ZNF704: variants seen among roughly 807,000 people sequenced by gnomAD.
The protein encoded by ZNF704 is glucocorticoid induced gene 1.
Under a neutral mutation model 44.7 loss-of-function variants are expected in ZNF704, and 10 were observed. The observed-to-expected ratio is 0.22, with a 90% CI of 0.14 to 0.38. ZNF704 has a LOEUF of 0.38. Ranked by LOEUF, ZNF704 falls within the 10% of genes least tolerant of loss-of-function variation. The probability of loss-of-function intolerance (pLI) is 1.00; values close to 1 mark genes in which losing one functional copy is unlikely to be tolerated. For missense variants in ZNF704, 390 were observed against 545.5 expected, an observed-to-expected ratio of 0.71 and a Z score of 2.84; for synonymous variants, 211 against 207.6, an observed-to-expected ratio of 1.02 and a Z score of -0.14.
chr8:80,784,955 T>C (rs943898936), intron 2 of ZNF704, among the ~76,000 whole-genome samples: 6 of 141,082 alleles, frequency 4.3e-5, no homozygotes, highest in African/African-American at 9.2e-5. Flanking sequence ...GTTTCCCCTA[T>C]TATCTTACAT....
intron 1 of ZNF704, among the ~76,000 whole-genome samples, chr8:80,850,454 G>A (rs1586074249): frequency 6.6e-6 from 1 of 152,070 alleles, no homozygotes; most frequent in East Asian, 1.9e-4. Flanking sequence ...GCATGACACT[G>A]GCATGGAGTG....
chr8:80,706,407 T>A (rs1049622819), intron 2 of ZNF704, among the ~76,000 whole-genome samples: 3 of 152,260 alleles, frequency 2.0e-5, no homozygotes, highest in Non-Finnish European at 2.9e-5. Context: ...TTATTTCTGC[T>A]GCTTCTCTTA....
chr8:80,839,852 G>C (rs542341989), intron 1 of ZNF704, among the ~76,000 whole-genome samples: 1 of 152,034 alleles, frequency 6.6e-6, no homozygotes, highest in Admixed American at 6.6e-5. Context: ...GAGAGAGAGA[G>C]AGAGAGTAAA....
At chr8:80,719,321 A>G (rs1257795317) in intron 2 of ZNF704, among the ~76,000 whole-genome samples, 2 of 152,136 alleles carry the variant, frequency 1.3e-5, no homozygotes, top group Non-Finnish European at 2.9e-5. Context: ...GGTTTAAAAT[A>G]AACAGAGGAA....
At chr8:80,643,226 A>C in intron 7 of ZNF704, 97 bp from the exon 8 acceptor site, 1 of 844,762 alleles carries the variant, frequency 1.2e-6, no homozygotes. Flanking sequence ...TGACCATTAG[A>C]AGCAGAGATG....
chr8:80,698,375 G>A (rs1818757606), intron 2 of ZNF704, among the ~76,000 whole-genome samples: 1 of 152,200 alleles, frequency 6.6e-6, no homozygotes, highest in Admixed American at 6.5e-5. Context: ...GAGCTTTTGG[G>A]CAGTGGAAGA....
intron 8 of ZNF704, 85 bp downstream of exon 8, chr8:80,642,950 T>C (rs1271324370): frequency 3.4e-6 from 3 of 885,854 alleles, no homozygotes; most frequent in East Asian, 6.1e-5. Context: ...TTATAGAAGA[T>C]CATTTCTCAG....
chr8:80,735,575 G>A (rs562733056), intron 2 of ZNF704, among the ~76,000 whole-genome samples: 11 of 152,284 alleles, frequency 7.2e-5, no homozygotes, highest in African/African-American at 2.4e-4. Context: ...ATTGGACAGC[G>A]ATGAGCCTGC....
chr8:80,688,520 G>A (rs1186497930), intron 3 of ZNF704, among the ~76,000 whole-genome samples: 1 of 152,142 alleles, frequency 6.6e-6, no homozygotes, highest in Admixed American at 6.5e-5. Context: ...CTACATGACT[G>A]GTAAGTATCC....
At chr8:80,860,457 G>C (rs922611155) in intron 1 of ZNF704, among the ~76,000 whole-genome samples, 10 of 152,116 alleles carry the variant, frequency 6.6e-5, no homozygotes, top group African/African-American at 2.4e-4. Context: ...ACTGCTACAT[G>C]GTCTAGTTTG....
At chr8:80,653,258 C>G (rs567629037) in intron 7 of ZNF704, among the ~76,000 whole-genome samples, 5 of 152,084 alleles carry the variant, frequency 3.3e-5, no homozygotes, top group African/African-American at 1.2e-4. Flanking sequence ...AAAACTGGCA[C>G]AAGACAGGGA....
Position 80,639,493 on chromosome 8 carries a change from G to C in ZNF704, c.*1873C>G, listed in dbSNP as rs138367820. ...TATTGCTGGTGCTGTGACTAGTACT[G>C]ATTGGTAATCAAGATGCAAAATTAG... On this transcript the variant is annotated 3_prime_UTR_variant, in exon 9 of 9. Transcript: ENST00000327835. 4.6e-5 allele frequency: 7 copies of C among 152,308 alleles called. No homozygotes were observed. The highest frequency in any genetic ancestry group is 4.6e-4 in the Admixed American group (7 of 15,302). 9.4% of individuals were successfully genotyped at this position (152,308 alleles called of 1,614,324 possible).
At chr8:80,727,590 G>T (rs568579517) in intron 2 of ZNF704, among the ~76,000 whole-genome samples, 2 of 152,080 alleles carry the variant, frequency 1.3e-5, no homozygotes, top group African/African-American at 4.8e-5. Context: ...AGGCAGGCAG[G>T]GGGTGGATGG....
intron 4 of ZNF704, among the ~76,000 whole-genome samples, chr8:80,672,980 A>C (rs1485667977): frequency 1.3e-5 from 2 of 152,328 alleles, no homozygotes; most frequent in East Asian, 3.9e-4. Flanking sequence ...TTAACGTAGT[A>C]AATAACAATA....
At chr8:80,684,372 A>T (rs1464333912) in intron 4 of ZNF704, among the ~76,000 whole-genome samples, 1 of 152,194 alleles carries the variant, frequency 6.6e-6, no homozygotes, top group East Asian at 1.9e-4. Flanking sequence ...TGTACAGTGT[A>T]TTCTATTCTG....
intron 4 of ZNF704, among the ~76,000 whole-genome samples, chr8:80,677,595 T>C (rs1010376837): frequency 2.0e-5 from 3 of 152,192 alleles, no homozygotes; most frequent in African/African-American, 4.8e-5. Context: ...AAGAAATCTG[T>C]TACCCAAAGA....
At chr8:80,651,552 G>A (rs1282598849) in intron 7 of ZNF704, among the ~76,000 whole-genome samples, 1 of 152,124 alleles carries the variant, frequency 6.6e-6, no homozygotes, top group Non-Finnish European at 1.5e-5. Flanking sequence ...AACCAACAAA[G>A]ATCAAAAGAG....
chr8:80,670,613 G>A lies in ZNF704; in HGVS notation c.559-10C>T. On this transcript the variant is annotated splice_polypyrimidine_tract_variant and intron_variant, in intron 4 of 8. Coordinates refer to ENST00000327835, the MANE Select transcript of ZNF704 (RefSeq NM_001033723.3). ...TCACCTTCATGGAATTCTGTAAAGG[G>A]GAGAGAGTGATATTAGAATGGAAAC... The A allele has an allele frequency of 3.2e-6, 5 of 1,563,262 alleles. No homozygotes were observed. Among genetic ancestry groups the A allele is most frequent in the East Asian group, 4.5e-5 (2 of 44,512 alleles).
chr8:80,736,775 A>G (rs1806673934), intron 2 of ZNF704, among the ~76,000 whole-genome samples: 1 of 152,118 alleles, frequency 6.6e-6, no homozygotes, highest in African/African-American at 2.4e-5. Context: ...GTGCACCAAA[A>G]TCTCAGGAAT....
Sources: gnomAD v4.1 joint callset for allele counts (sites outside exome capture counted in the v4.1 genomes callset) on GRCh38, gnomAD v4.1.1 for gene constraint, MANE v1.5 for transcripts, NCBI Gene and HGNC (gene_info 2026-07-23, HGNC 2026-07-21) for gene names.